The following DCLRE1C variants were observed in gnomAD, a reference collection of about 807,000 sequenced individuals.
DCLRE1C encodes the protein DNA cross-link repair 1C.
Under a neutral mutation model 61.4 loss-of-function variants are expected in DCLRE1C, and 47 were observed. The observed-to-expected ratio is 0.77, with a 90% CI of 0.61 to 0.98. The LOEUF is 0.98. Among genes scored for constraint, DCLRE1C ranks in the 50% least tolerant of loss-of-function variants. The probability of loss-of-function intolerance (pLI) is 0.00; values close to 1 mark genes in which losing one functional copy is unlikely to be tolerated. For synonymous variants in DCLRE1C, 337 were observed against 287.6 expected, an observed-to-expected ratio of 1.17 and a Z score of -1.74; for missense variants, 858 against 816.0, an observed-to-expected ratio of 1.05 and a Z score of -0.63.
At chr10:14,927,562 G>C (rs989782151) in intron 10 of DCLRE1C, among the ~76,000 whole-genome samples, 1 of 138,958 alleles carries the variant, frequency 7.2e-6, no homozygotes, top group African/African-American at 2.7e-5. Flanking sequence ...ACTCAGATGG[G>C]AGGGAGGGAG....
chr10:14,952,535 CAG>C (rs968687121), intron 1 of DCLRE1C, among the ~76,000 whole-genome samples: 1 of 152,082 alleles, frequency 6.6e-6, no homozygotes, highest in Non-Finnish European at 1.5e-5. Context: ...TTGCAGTGAA[CAG>C]AGATCACGCC....
intron 13 of DCLRE1C, among the ~76,000 whole-genome samples, chr10:14,914,830 C>T (rs947397278): frequency 1.2e-4 from 18 of 152,012 alleles, no homozygotes; most frequent in Non-Finnish European, 2.4e-4. Context: ...ATTCCAGCTA[C>T]TTCGGATGCT....
At chr10:14,946,910 G>C (rs555201397) in intron 2 of DCLRE1C, among the ~76,000 whole-genome samples, 1 of 152,012 alleles carries the variant, frequency 6.6e-6, no homozygotes, top group African/African-American at 2.4e-5. Flanking sequence ...AAGCCACTAC[G>C]CCTGGCCTAA....
In DCLRE1C at chr10:14,936,559, C is replaced by T; in HGVS notation, c.341G>A (p.Gly114Asp). The change falls in exon 5 of 14, where the codon GGT (glycine) becomes GAT (aspartate). Residue 114 changes from glycine (G) to aspartate (D), a missense_variant. By Grantham distance (94) the Gly-to-Asp change is moderately conservative (BLOSUM62 -1). Transcript: ENST00000378278. ...TTACATAACTGATCCCGGACAGTGA[C>T]CAGCTGGTAAGAGAGTCACAACAAT... is the stretch of plus-strand genomic sequence containing the variant. ...EEIVVTLLPA[G>D]HCPGSVMFLF... 1 of 1,613,238 alleles carries T rather than the reference C, an allele frequency of 6.2e-7. No homozygotes were observed. Among genetic ancestry groups the T allele is most frequent in the Non-Finnish European group, 8.5e-7 (1 of 1,179,386 alleles).
chr10:14,914,696 A>G (rs1028177501), intron 13 of DCLRE1C, among the ~76,000 whole-genome samples: 1 of 152,138 alleles, frequency 6.6e-6, no homozygotes, highest in Admixed American at 6.5e-5. Flanking sequence ...TGTAATCCCA[A>G]CATTTTGGGA....
At chr10:14,920,397 C>G in intron 12 of DCLRE1C, 1 of 1,013,938 alleles carries the variant, frequency 9.9e-7, no homozygotes, top group South Asian at 4.0e-5. Flanking sequence ...GAAGGCCTCA[C>G]TGCCAACTGC....
At chr10:14,948,711 G>GT (rs202118806) in intron 2 of DCLRE1C, among the ~76,000 whole-genome samples, 2,757 of 150,810 alleles carry the variant, frequency 0.018, 89 homozygotes, top group African/African-American at 0.063. Context: ...CTCCATCTCT[G>GT]TTTTTTTTGT....
At chr10:14,930,969 G>A (rs931456297) in intron 9 of DCLRE1C, among the ~76,000 whole-genome samples, 5 of 152,314 alleles carry the variant, frequency 3.3e-5, no homozygotes, top group East Asian at 1.9e-4. Context: ...TCTCTTGTTT[G>A]AAATTATGCT....
rs544921639 is a variant in DCLRE1C at position 14,944,677 on chromosome 10, T to C, written c.246+428A>G. ...AACAGACTTAATTTTTTTTTTCTTT[T>C]TTTTTTTTTTTTTTTTAGATGGAGT... On this transcript the variant is annotated intron_variant, in intron 3 of 13. Transcript: ENST00000378278. Among the ~76,000 whole-genome samples the C allele has an allele frequency of 1.3e-4, 19 of 143,946 alleles. No individual in the cohort carries two copies. In the East Asian group the frequency reaches 2.0e-3, roughly 15 times the overall value. The allele number at this position is 143,946 out of a possible 152,430, so 94.4% of individuals were successfully genotyped here.
chr10:14,950,068 C>T (rs577273912), intron 1 of DCLRE1C, among the ~76,000 whole-genome samples: 206 of 138,242 alleles, frequency 1.5e-3, no homozygotes, highest in Non-Finnish European at 2.5e-3. Context: ...CGGCTGGGCG[C>T]GGTGGCTCAT....
Position 14,907,014 on chromosome 10 carries a change from G to A in DCLRE1C, c.*1394C>T, listed in dbSNP as rs75676336. On this transcript the variant is annotated 3_prime_UTR_variant, in exon 14 of 14. Coordinates refer to ENST00000378278, the MANE Select transcript of DCLRE1C (RefSeq NM_001033855.3). Reference sequence around the variant, plus strand: ...CTTCCAAGTAGCGAGGACTACAGGTGCACACCACCATGTCTGGCTAACATT... The same window carrying A: ...CTTCCAAGTAGCGAGGACTACAGGTACACACCACCATGTCTGGCTAACATT... 2.6e-3 allele frequency among the ~76,000 whole-genome samples: 395 copies of A among 151,952 alleles called. No individual in the cohort carries two copies. The highest frequency in any genetic ancestry group is 0.017 in the Middle Eastern group (5 of 294).
At chr10:14,933,366 G>A (rs1220712318) in intron 8 of DCLRE1C, among the ~76,000 whole-genome samples, 3 of 152,244 alleles carry the variant, frequency 2.0e-5, no homozygotes, top group Non-Finnish European at 2.9e-5. Flanking sequence ...GCCAGGTGCT[G>A]TGGCTTATGC....
At chr10:14,922,833 C>A (rs1837338430) in intron 12 of DCLRE1C, 148 bp downstream of exon 12, 3 of 678,202 alleles carry the variant, frequency 4.4e-6, no homozygotes, top group Non-Finnish European at 8.0e-6. Flanking sequence ...AGGAAACACT[C>A]CAGGAAAAAA....
chr10:14,931,171 A>C (rs562417669), intron 9 of DCLRE1C, among the ~76,000 whole-genome samples: 1 of 152,382 alleles, frequency 6.6e-6, no homozygotes, highest in South Asian at 2.1e-4. Context: ...ATTAGCCTTA[A>C]TAATTTTAAT....
chr10:14,917,925 T>C (rs1836472208), intron 13 of DCLRE1C, among the ~76,000 whole-genome samples: 1 of 152,220 alleles, frequency 6.6e-6, no homozygotes, highest in Admixed American at 6.5e-5. Flanking sequence ...ACAACCTTGC[T>C]AGTCATTAGA....
chr10:14,938,351 T>A (rs1315781633), intron 4 of DCLRE1C, among the ~76,000 whole-genome samples: 1 of 152,134 alleles, frequency 6.6e-6, no homozygotes, highest in African/African-American at 2.4e-5. Context: ...ACCTATTTTT[T>A]TTTTCCTTTT....
rs1268116011 is a variant in DCLRE1C, at chr10:14,899,278, C to T, written c.1191G>A (p.Trp397Ter). Residue 397 changes from tryptophan to a stop codon, truncating the protein, a stop_gained, in exon 14 of 14, where the codon TGG becomes TGA. Transcript: ENST00000378289. LOFTEE classifies it high-confidence loss of function. ...AAGGATACAGGGAGTCATGATGGCA[C>T]CACCGCATTCTAGCCTGAGTGACAG... The T allele has an allele frequency of 2.8e-6, 2 of 702,146 alleles. No individual in the cohort carries two copies. The highest frequency in any genetic ancestry group is 5.2e-6 in the Non-Finnish European group (2 of 385,088). 43.5% of individuals were successfully genotyped at this position (702,146 alleles called of 1,614,324 possible). A position where few individuals can be genotyped will look rare whatever the true frequency, so the allele number is the denominator to read the frequency against.
chr10:14,931,431 G>A (rs551689454), intron 9 of DCLRE1C, among the ~76,000 whole-genome samples: 1 of 152,210 alleles, frequency 6.6e-6, no homozygotes, highest in Admixed American at 6.5e-5. Context: ...GGTAGCGGGA[G>A]CCTGTAATCT....
At chr10:14,950,197 G>C (rs1472969095) in intron 1 of DCLRE1C, among the ~76,000 whole-genome samples, 2 of 151,836 alleles carry the variant, frequency 1.3e-5, no homozygotes, top group South Asian at 2.1e-4. Flanking sequence ...AAAATTAGCT[G>C]GGGCTGGTGG....
Sources: allele counts gnomAD v4.1 joint callset (sites outside exome capture counted in the v4.1 genomes callset), GRCh38; gene constraint gnomAD v4.1.1; transcripts MANE v1.5; gene names NCBI Gene and HGNC (gene_info 2026-07-23, HGNC 2026-07-21).